Variants in HTR1D observed in about 807,000 individuals in gnomAD.
HTR1D encodes 5-hydroxytryptamine receptor 1D, also known as 5-HT-1D.
HTR1D carries 18 observed loss-of-function variants against 21.1 expected under a neutral mutation model. The observed-to-expected ratio is 0.85, with a 90% CI of 0.59 to 1.27. The LOEUF (loss-of-function observed/expected upper bound fraction) is 1.27, where lower values mean the gene tolerates loss of function less well. Among genes scored for constraint, HTR1D ranks in the 50% most tolerant of loss-of-function variants. HTR1D has a pLI of 0.00. For synonymous variants in HTR1D, 196 were observed against 204.4 expected, an observed-to-expected ratio of 0.96 and a Z score of 0.35; for missense variants, 456 against 481.4, an observed-to-expected ratio of 0.95 and a Z score of 0.49.
chr1:23,194,068 G>A lies in HTR1D; in HGVS notation c.152C>T (p.Ala51Val), dbSNP rs371857345. ...LAVVLSVITLATVLSNAFVLT... is the reference protein window; with the variant it reads ...LAVVLSVITLVTVLSNAFVLT... ...TACAAAGGCATTGGAGAGGACTGTG[G>A]CCAGTGTGATGACGGAAAGGACCAC... The change falls in exon 2 of 2, where the codon GCC (alanine) becomes GTC (valine). Residue 51 changes from alanine to valine, a missense_variant. By Grantham distance (64) the Ala-to-Val change is moderately conservative. Coordinates refer to ENST00000374619, the MANE Select transcript of HTR1D (RefSeq NM_000864.5). 7.1e-5 allele frequency: 115 copies of A among 1,614,068 alleles called. No homozygotes were observed. Among genetic ancestry groups the A allele is most frequent in the Non-Finnish European group, 9.6e-5 (113 of 1,180,044 alleles).
chr1:23,214,762 A>T (rs1203811192), intron 1 of HTR1D, among the ~76,000 whole-genome samples: 1 of 152,074 alleles, frequency 6.6e-6, no homozygotes, highest in Non-Finnish European at 1.5e-5. Context: ...CCCTGCTAAC[A>T]TACACCTCCT....
rs1403538312 is a variant in HTR1D at position 23,192,311 on chromosome 1, T to C, written c.*775A>G. 6.6e-6 allele frequency: 1 copy of C among 152,632 alleles called. No individual in the cohort carries two copies. The highest frequency in any genetic ancestry group is 1.5e-5 in the Non-Finnish European group (1 of 68,054). The allele number at this position is 152,632 out of a possible 1,614,324, so 9.5% of individuals were successfully genotyped here. A position where few individuals can be genotyped will look rare whatever the true frequency, so the allele number is the denominator to read the frequency against. The stretch of plus-strand genomic sequence containing the variant: ...CTCAGTGGAAGAAACGCATGGATAT[T>C]ATTTTCCAATCAAGGTGCCACACAG... On this transcript the variant is annotated 3_prime_UTR_variant, in exon 2 of 2. Coordinates refer to ENST00000374619, the MANE Select transcript of HTR1D (RefSeq NM_000864.5).
intron 1 of HTR1D, among the ~76,000 whole-genome samples, chr1:23,207,759 CTTTTT>C (rs532795222): frequency 1.6e-5 from 2 of 124,890 alleles, no homozygotes; most frequent in Admixed American, 8.6e-5. Flanking sequence ...GCAAGAGCCT[CTTTTT>C]TTTTTTTTTT....
chr1:23,195,541 C>T (rs983375452), intron 1 of HTR1D, among the ~76,000 whole-genome samples: 4 of 152,026 alleles, frequency 2.6e-5, no homozygotes, highest in African/African-American at 9.7e-5. Flanking sequence ...TGGGTTCAAG[C>T]GATTGTCCTG....
rs556074897 is a variant in HTR1D at position 23,193,144 on chromosome 1, A to C, written c.1076T>G (p.Phe359Cys). 2.5e-6 allele frequency: 4 copies of C among 1,613,690 alleles called. No homozygotes were observed. Among genetic ancestry groups the C allele is most frequent in the Non-Finnish European group, 3.4e-6 (4 of 1,179,888 alleles). The change falls in exon 2 of 2, where the codon TTT becomes TGT. Residue 359 changes from phenylalanine to cysteine, a missense_variant. Transcript: ENST00000374619. Reference protein sequence around the residue: ...SLINPIIYTVFNEEFRQAFQK... With the variant: ...SLINPIIYTVCNEEFRQAFQK... ...AAAAGCTTGCCGAAACTCTTCATTAAACACAGTGTAGATTATTGGATTGAT... is the reference window on the plus strand; with the variant it reads ...AAAAGCTTGCCGAAACTCTTCATTACACACAGTGTAGATTATTGGATTGAT...
intron 1 of HTR1D, among the ~76,000 whole-genome samples, chr1:23,207,780 G>C (rs1379494280): frequency 1.7e-5 from 1 of 57,578 alleles, no homozygotes; most frequent in Non-Finnish European, 3.4e-5. Context: ...TTTTTTTTTT[G>C]AGGCGGAGTC....
At position 23,192,232 on chromosome 1, in the gene HTR1D, C is replaced by G. The variant is rs565487076; in HGVS notation, c.*854G>C. On this transcript the variant is annotated 3_prime_UTR_variant, in exon 2 of 2. Coordinates refer to ENST00000374619, the MANE Select transcript of HTR1D (RefSeq NM_000864.5). ...AAGTCACTCTATATCATCGGCACTG[C>G]AAATACTGTCTTTCTCTTCACGGAC... 6.6e-6 allele frequency: 1 copy of G among 152,626 alleles called. No individual in the cohort carries two copies. The highest frequency in any genetic ancestry group is 2.1e-4 in the South Asian group (1 of 4,828). The allele number at this position is 152,626 out of a possible 1,614,324, so 9.5% of individuals were successfully genotyped here.
intron 1 of HTR1D, among the ~76,000 whole-genome samples, chr1:23,211,286 A>T (rs1209397668): frequency 6.6e-6 from 1 of 152,134 alleles, no homozygotes; most frequent in Non-Finnish European, 1.5e-5. Flanking sequence ...TCCTCTTAGG[A>T]GGACTTACAA....
In HTR1D at chr1:23,194,193, T is replaced by C. The variant is rs1205171608; in HGVS notation, c.27A>G (p.Glu9=). ...TGTTGGAGGCCTCCTGGGGAAGGCC[T>C]TCTGCTGACTGGTTCAGTGGGGACA... MSPLNQSA[E]GLPQEASNRS... The change falls in exon 2 of 2, where the codon GAA becomes GAG. Residue 9 remains glutamate, a synonymous_variant. Coordinates refer to ENST00000374619, the MANE Select transcript of HTR1D (RefSeq NM_000864.5). 1 of 1,613,818 alleles carries C rather than the reference T, an allele frequency of 6.2e-7. No homozygotes were observed. The highest frequency in any genetic ancestry group is 1.1e-5 in the South Asian group (1 of 91,050).
rs181938417 is a variant in HTR1D, at chr1:23,200,907, C to A, written c.-782-5906G>T. ...AGCAGCAGCAGAAGCAAGGACCTTT[C>A]TCGGCCCCCACCTCCACCTCCAGGC... On this transcript the variant is annotated intron_variant, in intron 1 of 1. Coordinates refer to ENST00000374619, the MANE Select transcript of HTR1D (RefSeq NM_000864.5). Among the ~76,000 whole-genome samples the A allele has an allele frequency of 2.6e-5, 4 of 152,290 alleles. No individual in the cohort carries two copies. In the East Asian group the frequency reaches 7.7e-4, roughly 29 times the overall value.
rs368628019 is a variant in HTR1D at position 23,202,076 on chromosome 1, G to T, written c.-782-7075C>A. The stretch of plus-strand genomic sequence containing the variant: ...TTTGTTTTATTTTTCGTGGTTTTTT[G>T]TTGTTGTTGTTGTTGTTTTGTTTGT... On this transcript the variant is annotated intron_variant, in intron 1 of 1. Coordinates refer to ENST00000374619, the MANE Select transcript of HTR1D (RefSeq NM_000864.5). 3.7e-3 allele frequency among the ~76,000 whole-genome samples: 550 copies of T among 149,208 alleles called. 4 individuals carry two copies. The highest frequency in any genetic ancestry group is 0.012 in the African/African-American group (481 of 39,030).
chr1:23,211,325 G>A (rs772150201), intron 1 of HTR1D, among the ~76,000 whole-genome samples: 1 of 152,170 alleles, frequency 6.6e-6, no homozygotes, highest in Non-Finnish European at 1.5e-5. Context: ...CCTGCAATGA[G>A]GACCACAGAT....
At chr1:23,203,066 A>AT (rs1410245240) in intron 1 of HTR1D, among the ~76,000 whole-genome samples, 3 of 151,842 alleles carry the variant, frequency 2.0e-5, no homozygotes, top group Non-Finnish European at 4.4e-5. Context: ...CGCCTGGCTA[A>AT]TTTTTTTATT....
At chr1:23,216,063 A>G (rs986821713) in intron 1 of HTR1D, among the ~76,000 whole-genome samples, 3 of 152,220 alleles carry the variant, frequency 2.0e-5, no homozygotes, top group African/African-American at 7.2e-5. Flanking sequence ...GAGCAGGACT[A>G]AAGACTGAAA....
At chr1:23,200,053 C>G (rs10917356) in intron 1 of HTR1D, among the ~76,000 whole-genome samples, 3 of 152,020 alleles carry the variant, frequency 2.0e-5, no homozygotes, top group African/African-American at 7.3e-5. Flanking sequence ...GAAAAAGAAC[C>G]CTATCACCAG....
chr1:23,208,997 C>CCTT (rs1491480203), intron 1 of HTR1D, among the ~76,000 whole-genome samples: 1 of 133,752 alleles, frequency 7.5e-6, no homozygotes, highest in Admixed American at 7.6e-5. Flanking sequence ...AAAATTTTCA[C>CCTT]TTTTTTTTTT....
rs1644682264 is a variant in HTR1D at position 23,194,951 on chromosome 1, AAAAC to A, written c.-736_-733del. On this transcript the variant is annotated 5_prime_UTR_variant, in exon 2 of 2. Coordinates refer to ENST00000374619, the MANE Select transcript of HTR1D (RefSeq NM_000864.5). ...AAGAATGCATAAGCTGGGACCAGGCAAAACAAACAGATCACTGTGGGCTCACAGA... is the reference window on the plus strand; with the variant it reads ...AAGAATGCATAAGCTGGGACCAGGCAAAACAGATCACTGTGGGCTCACAGA... Among the ~76,000 whole-genome samples, 1 of 152,228 alleles carries A rather than the reference AAAAC, an allele frequency of 6.6e-6. No individual in the cohort carries two copies. The highest frequency in any genetic ancestry group is 6.5e-5 in the Admixed American group (1 of 15,288).
rs771625704 is a variant in HTR1D at position 23,193,590 on chromosome 1, C to T, written c.630G>A (p.Ser210=). 6.8e-6 allele frequency: 11 copies of T among 1,613,904 alleles called. No individual in the cohort carries two copies. The highest frequency in any genetic ancestry group is 4.0e-5 in the African/African-American group (3 of 74,896). Residue 210 remains serine (S), a synonymous_variant, in exon 2 of 2, where the codon TCG becomes TCA. Transcript: ENST00000374619. ...GGCCATATAGGATGATGAGCAACAC[C>T]GAGGGAATGTAGAAGGCCCCACAGG... ...YSTCGAFYIP[S]VLLIILYGRI... is the part of the protein sequence containing the mutation.
At position 23,214,581 on chromosome 1, in the gene HTR1D, G is replaced by A. The variant is rs148961767; in HGVS notation, c.-783+2710C>T. Among the ~76,000 whole-genome samples, 171 of 152,148 alleles carry A rather than the reference G, an allele frequency of 1.1e-3. 1 individual carries two copies. The East Asian group carries it at 0.03, about 27-fold the overall frequency. The stretch of plus-strand genomic sequence containing the variant: ...TGACCTCATCTCCTACCAGCTGCCC[G>A]TCTTAAATATCACCCCTTTGGCAAC... On this transcript the variant is annotated intron_variant, in intron 1 of 1. Transcript: ENST00000374619.
Sources: gnomAD v4.1 joint callset for allele counts (sites outside exome capture counted in the v4.1 genomes callset) on GRCh38, gnomAD v4.1.1 for gene constraint, MANE v1.5 for transcripts, NCBI Gene and HGNC (gene_info 2026-07-23, HGNC 2026-07-21) for gene names.